SPAG16: variants seen among roughly 807,000 people sequenced by gnomAD.
The protein encoded by SPAG16 is sperm associated antigen 16, also known as sperm-associated antigen 16 protein.
In SPAG16, 86 loss-of-function variants were observed where a neutral mutation model predicts 80.4. The ratio of observed to expected loss-of-function variants is 1.07; its 90% CI spans 0.90 to 1.28. SPAG16 has a LOEUF of 1.28. Ranked by LOEUF, SPAG16 falls within the 50% of genes most tolerant of loss-of-function variation. The pLI is 0.00. For synonymous variants in SPAG16, 294 were observed against 265.9 expected, an observed-to-expected ratio of 1.11 and a Z score of -1.03; for missense variants, 870 against 765.3, an observed-to-expected ratio of 1.14 and a Z score of -1.61.
intron 15 of SPAG16, among the ~76,000 whole-genome samples, chr2:214,322,874 C>T (rs944073266): frequency 6.6e-6 from 1 of 152,132 alleles, no homozygotes; most frequent in African/African-American, 2.4e-5. Context: ...ACTGACTGAT[C>T]CTTCTGGGAA....
intron 12 of SPAG16, among the ~76,000 whole-genome samples, chr2:213,944,860 C>A (rs1173568390): frequency 6.6e-6 from 1 of 152,026 alleles, no homozygotes; most frequent in African/African-American, 2.4e-5. Context: ...ATGGCGAAAC[C>A]CCGTGTCTAC....
chr2:214,300,251 A>G (rs945683567), intron 15 of SPAG16, among the ~76,000 whole-genome samples: 21 of 152,156 alleles, frequency 1.4e-4, no homozygotes, highest in African/African-American at 4.8e-4. Context: ...TTTTTATTCA[A>G]TTGTTAAAAG....
intron 10 of SPAG16, among the ~76,000 whole-genome samples, chr2:213,643,826 G>T (rs986251940): frequency 1.6e-5 from 2 of 123,408 alleles, no homozygotes; most frequent in Non-Finnish European, 3.2e-5. Flanking sequence ...TGTTGTCAAG[G>T]CTGGAGTGCA....
intron 15 of SPAG16, among the ~76,000 whole-genome samples, chr2:214,249,560 A>T (rs1250272249): frequency 6.6e-6 from 1 of 152,170 alleles, no homozygotes; most frequent in African/African-American, 2.4e-5. Context: ...AACTGTAAAA[A>T]ACAAATTATT....
At chr2:214,006,138 T>TA (rs1270535832) in intron 12 of SPAG16, among the ~76,000 whole-genome samples, 3 of 152,176 alleles carry the variant, frequency 2.0e-5, no homozygotes, top group African/African-American at 7.2e-5. Flanking sequence ...CATGTTCACT[T>TA]AAAAAATATC....
At chr2:213,502,421 C>G (rs768041585) in intron 10 of SPAG16, among the ~76,000 whole-genome samples, 5 of 152,088 alleles carry the variant, frequency 3.3e-5, no homozygotes, top group African/African-American at 1.2e-4. Flanking sequence ...CTGCACCTGT[C>G]TCAAAATTTC....
intron 15 of SPAG16, among the ~76,000 whole-genome samples, chr2:214,336,942 T>G (rs1166938308): frequency 1.4e-5 from 2 of 143,478 alleles, no homozygotes; most frequent in African/African-American, 4.9e-5. Flanking sequence ...TGCTGTTGAA[T>G]GAGGCTTCTA....
intron 15 of SPAG16, among the ~76,000 whole-genome samples, chr2:214,210,839 GCACA>G (rs58316951): frequency 8.0e-5 from 12 of 149,508 alleles, no homozygotes; most frequent in South Asian, 2.1e-4. Flanking sequence ...ATGCGCGCGC[GCACA>G]CACACACACA....
chr2:213,881,057 G>T (rs2076325096), intron 11 of SPAG16, among the ~76,000 whole-genome samples: 1 of 152,110 alleles, frequency 6.6e-6, no homozygotes, highest in Admixed American at 6.6e-5. Flanking sequence ...AATTGCTTTG[G>T]GCAGTATGGT....
intron 14 of SPAG16, among the ~76,000 whole-genome samples, chr2:214,139,585 A>T (rs916544301): frequency 4.6e-5 from 7 of 152,106 alleles, no homozygotes; most frequent in African/African-American, 1.4e-4. Context: ...TAAAAAATGC[A>T]TCTGAAATTA....
chr2:213,316,132 A>G (rs976574210), intron 4 of SPAG16, among the ~76,000 whole-genome samples: 3 of 151,992 alleles, frequency 2.0e-5, no homozygotes, highest in East Asian at 3.8e-4. Flanking sequence ...TCTGCTAGGC[A>G]TATTACATTT....
intron 13 of SPAG16, among the ~76,000 whole-genome samples, chr2:214,069,928 C>T (rs931195418): frequency 6.6e-5 from 10 of 152,162 alleles, no homozygotes; most frequent in African/African-American, 2.4e-4. Context: ...CACTGAGACT[C>T]TTTGTTCAAT....
chr2:213,864,946 G>GAT (rs1180205066), intron 11 of SPAG16, among the ~76,000 whole-genome samples: 1 of 151,796 alleles, frequency 6.6e-6, no homozygotes, highest in African/African-American at 2.4e-5. Flanking sequence ...AAACTGAGGG[G>GAT]ATAACTAACA....
rs1444583292 is a variant in SPAG16 at position 214,151,599 on chromosome 2, C to CA, written c.1720+2340dup. On this transcript the variant is annotated intron_variant, in intron 15 of 15. Transcript: ENST00000331683. ...CAAGCCTATATGATGTAATCTTTTTCAAAAAAAGCAAGAATATAATTGACC... is the reference window on the plus strand; with the variant it reads ...CAAGCCTATATGATGTAATCTTTTTCAAAAAAAAGCAAGAATATAATTGACC... Among the ~76,000 whole-genome samples, 4 of 151,768 alleles carry CA rather than the reference C, an allele frequency of 2.6e-5. No individual in the cohort carries two copies. In the East Asian group the frequency reaches 7.7e-4, roughly 29 times the overall value.
chr2:213,575,462 A>C (rs1489466522), intron 10 of SPAG16, among the ~76,000 whole-genome samples: 1 of 152,074 alleles, frequency 6.6e-6, no homozygotes, highest in Non-Finnish European at 1.5e-5. Context: ...CTATTGTCTT[A>C]TCCCCATATT....
At chr2:213,292,624 A>G (rs1258836890) in intron 1 of SPAG16, among the ~76,000 whole-genome samples, 3 of 144,918 alleles carry the variant, frequency 2.1e-5, no homozygotes, top group Admixed American at 1.4e-4. Flanking sequence ...AGATCCCGCC[A>G]CTGCACTCCA....
chr2:213,686,177 G>A (rs997587932), intron 10 of SPAG16, among the ~76,000 whole-genome samples: 3 of 152,160 alleles, frequency 2.0e-5, no homozygotes, highest in Non-Finnish European at 4.4e-5. Flanking sequence ...AGAGTGCAGT[G>A]GTGCGATCTT....
In SPAG16 at chr2:214,230,755, T is replaced by C. The variant is rs758311015; in HGVS notation, c.1720+81489T>C. ...AGGCTAGTTCTAATTTGGTGTCTGA[T>C]AGCCAAGAGAGAAGGCCATTGTTGT... is the stretch of plus-strand genomic sequence containing the variant. On this transcript the variant is annotated intron_variant, in intron 15 of 15. Coordinates refer to ENST00000331683, the MANE Select transcript of SPAG16 (RefSeq NM_024532.5). Among the ~76,000 whole-genome samples the C allele has an allele frequency of 4.2e-4, 64 of 151,926 alleles. 3 individuals carry two copies. The highest frequency in any genetic ancestry group is 2.0e-4 in the Admixed American group (3 of 15,190).
chr2:214,198,762 A>G (rs2057921057), intron 15 of SPAG16, among the ~76,000 whole-genome samples: 1 of 152,044 alleles, frequency 6.6e-6, no homozygotes. Context: ...ATTCATGCCA[A>G]CATCTATTTT....
Sources: gnomAD v4.1 joint callset for allele counts (sites outside exome capture counted in the v4.1 genomes callset) on GRCh38, gnomAD v4.1.1 for gene constraint, MANE v1.5 for transcripts, NCBI Gene and HGNC (gene_info 2026-07-23, HGNC 2026-07-21) for gene names.